BNC2: variants seen among roughly 807,000 people sequenced by gnomAD.
BNC2 encodes basonuclin zinc finger protein 2.
Under a neutral mutation model 76.3 loss-of-function variants are expected in BNC2, and 20 were observed. The observed-to-expected ratio is 0.26, with a 90% CI of 0.18 to 0.38. The LOEUF (loss-of-function observed/expected upper bound fraction) is 0.38. Among genes scored for constraint, BNC2 ranks in the 10% least tolerant of loss-of-function variants. The pLI is 1.00. For synonymous variants in BNC2, 582 were observed against 514.8 expected (o/e 1.13, Z -1.77); for missense variants, 1,382 against 1,399.8 (o/e 0.99, Z 0.20).
At chr9:16,454,212 C>A (rs1204201184) in intron 5 of BNC2, among the ~76,000 whole-genome samples, 1 of 152,118 alleles carries the variant, frequency 6.6e-6, no homozygotes, top group Non-Finnish European at 1.5e-5. Context: ...TACAGTATAA[C>A]CAGCTGAGTA....
intron 3 of BNC2, among the ~76,000 whole-genome samples, chr9:16,646,794 T>G (rs1315907815): frequency 6.6e-6 from 1 of 152,108 alleles, no homozygotes; most frequent in Non-Finnish European, 1.5e-5. Flanking sequence ...CCTAAATTTC[T>G]AAAAGGGATG....
At chr9:16,787,059 C>T (rs1442574779) in intron 1 of BNC2, among the ~76,000 whole-genome samples, 1 of 152,196 alleles carries the variant, frequency 6.6e-6, no homozygotes, top group African/African-American at 2.4e-5. Flanking sequence ...CCAATTAGTA[C>T]ATTCCCAGGC....
intron 1 of BNC2, among the ~76,000 whole-genome samples, chr9:16,766,973 C>G (rs756152580): frequency 6.6e-6 from 1 of 152,224 alleles, no homozygotes; most frequent in African/African-American, 2.4e-5. Context: ...CAGAGCCTAA[C>G]AATTTTTAAA....
chr9:16,460,567 G>A (rs970489593), intron 5 of BNC2, among the ~76,000 whole-genome samples: 2 of 152,104 alleles, frequency 1.3e-5, no homozygotes, highest in South Asian at 4.1e-4. Context: ...AGGTGGCAGT[G>A]AACCGAGATC....
At chr9:16,492,908 T>G (rs955844870) in intron 5 of BNC2, among the ~76,000 whole-genome samples, 5 of 152,064 alleles carry the variant, frequency 3.3e-5, no homozygotes, top group Admixed American at 3.3e-4. Flanking sequence ...GTAGGTTAAG[T>G]TTTTTACAGG....
intron 3 of BNC2, among the ~76,000 whole-genome samples, chr9:16,652,164 C>G (rs1179382269): frequency 3.3e-5 from 5 of 152,058 alleles, no homozygotes. Flanking sequence ...GACATAAAGA[C>G]CCAACAAAGA....
At chr9:16,635,983 T>G (rs928311082) in intron 3 of BNC2, among the ~76,000 whole-genome samples, 4 of 149,534 alleles carry the variant, frequency 2.7e-5, no homozygotes, top group East Asian at 1.9e-4. Flanking sequence ...AGGGTTGGTT[T>G]GTTTGTTTTA....
At chr9:16,612,298 G>C (rs1820570564) in intron 3 of BNC2, among the ~76,000 whole-genome samples, 1 of 152,022 alleles carries the variant, frequency 6.6e-6, no homozygotes, top group Non-Finnish European at 1.5e-5. Flanking sequence ...ATATTCATTA[G>C]GCTGTTTCCT....
chr9:16,714,421 G>A (rs1306757162), intron 3 of BNC2, among the ~76,000 whole-genome samples: 1 of 152,146 alleles, frequency 6.6e-6, no homozygotes, highest in African/African-American at 2.4e-5. Context: ...AAAGCGTTAA[G>A]TCACAGCTGT....
intron 1 of BNC2, among the ~76,000 whole-genome samples, chr9:16,836,415 G>A (rs888715921): frequency 6.6e-6 from 1 of 151,048 alleles, no homozygotes; most frequent in Non-Finnish European, 1.5e-5. Flanking sequence ...AGGGGTATAT[G>A]AAAATTAAAT....
chr9:16,781,289 A>C (rs1182063510), intron 1 of BNC2, among the ~76,000 whole-genome samples: 2 of 125,502 alleles, frequency 1.6e-5, no homozygotes. Flanking sequence ...CAGACAATGC[A>C]TACCTACAAA....
At chr9:16,770,795 G>T (rs183708131) in intron 1 of BNC2, among the ~76,000 whole-genome samples, 1 of 151,944 alleles carries the variant, frequency 6.6e-6, no homozygotes, top group South Asian at 2.1e-4. Context: ...ACCCCAGGAG[G>T]TGAAGGCTGC....
chr9:16,519,855 GCCTCCTT>G (rs1251261346), intron 5 of BNC2, among the ~76,000 whole-genome samples: 1 of 152,144 alleles, frequency 6.6e-6, no homozygotes, highest in African/African-American at 2.4e-5. Context: ...ACTGTGTTTG[GCCTCCTT>G]CCAGGTAGAA....
At chr9:16,467,909 T>C (rs1821728430) in intron 5 of BNC2, among the ~76,000 whole-genome samples, 1 of 152,000 alleles carries the variant, frequency 6.6e-6, no homozygotes, top group African/African-American at 2.4e-5. Flanking sequence ...CCTGACCAGG[T>C]TCTTATGCTT....
At position 16,552,709 on chromosome 9, in the gene BNC2, G is replaced by C; in HGVS notation, c.490C>G (p.Gln164Glu). 1 of 1,614,216 alleles carries C rather than the reference G, an allele frequency of 6.2e-7. No homozygotes were observed. The highest frequency in any genetic ancestry group is 2.2e-5 in the East Asian group (1 of 44,868). The change falls in exon 5 of 7, where the codon CAG becomes GAG. Residue 164 changes from glutamine to glutamate, a missense_variant. Transcript: ENST00000380672. ...CTGATGTCAAACACGACGTTGGACTGCACAATCTCCACTTGGGTGGGGTGG... is the reference window on the plus strand; with the variant it reads ...CTGATGTCAAACACGACGTTGGACTCCACAATCTCCACTTGGGTGGGGTGG... ...LYHPTQVEIV[Q>E]SNVVFDISSL...
intron 5 of BNC2, among the ~76,000 whole-genome samples, chr9:16,442,168 G>A (rs951408840): frequency 6.6e-6 from 1 of 152,186 alleles, no homozygotes; most frequent in African/African-American, 2.4e-5. Context: ...TAAGTTAAAT[G>A]CGAGTTATTA....
intron 3 of BNC2, among the ~76,000 whole-genome samples, chr9:16,725,985 A>AAC (rs201355622): frequency 0.044 from 6,233 of 141,766 alleles, 448 homozygotes; most frequent in East Asian, 0.41. Context: ...CTTCCCTTCT[A>AAC]ACACACACAC....
At chr9:16,485,505 C>G (rs1252111619) in intron 5 of BNC2, among the ~76,000 whole-genome samples, 1 of 152,210 alleles carries the variant, frequency 6.6e-6, no homozygotes, top group Non-Finnish European at 1.5e-5. Context: ...AGAGACCCAA[C>G]TTTGCATTAA....
At chr9:16,798,574 T>C (rs900298600) in intron 1 of BNC2, among the ~76,000 whole-genome samples, 8 of 152,214 alleles carry the variant, frequency 5.3e-5, no homozygotes, top group African/African-American at 1.7e-4. Context: ...TTTTCAAGTA[T>C]GGTAGTATCT....
Sources: allele counts gnomAD v4.1 joint callset (sites outside exome capture counted in the v4.1 genomes callset), GRCh38; gene constraint gnomAD v4.1.1; transcripts MANE v1.5; gene names NCBI Gene and HGNC (gene_info 2026-07-23, HGNC 2026-07-21).